Variants in RALYL observed in about 807,000 individuals in gnomAD.
The protein encoded by RALYL is RALY RNA binding protein like, also known as RNA-binding Raly-like protein.
RALYL carries 29 observed loss-of-function variants against 35.1 expected under a neutral mutation model. That is an observed-to-expected ratio of 0.83 (90% CI 0.61 to 1.13). The LOEUF is 1.13. Ranked by LOEUF, RALYL falls within the 50% of genes most tolerant of loss-of-function variation. RALYL has a pLI of 0.00. For synonymous variants in RALYL, 120 were observed against 127.6 expected, an observed-to-expected ratio of 0.94 and a Z score of 0.40; for missense variants, 359 against 360.4, an observed-to-expected ratio of 1.00 and a Z score of 0.03.
chr8:84,710,052 C>A (rs758453188), intron 2 of RALYL, among the ~76,000 whole-genome samples: 1 of 151,988 alleles, frequency 6.6e-6, no homozygotes, highest in Admixed American at 6.6e-5. Context: ...CAGAGCTAGA[C>A]TCCATCTCAA....
intron 1 of RALYL, among the ~76,000 whole-genome samples, chr8:84,487,960 A>G (rs1026546734): frequency 1.3e-5 from 2 of 152,076 alleles, no homozygotes; most frequent in African/African-American, 4.8e-5. Context: ...TCAACAGAGG[A>G]AAGATGTTTA....
At chr8:84,917,601 G>A (rs943585768) in intron 8 of RALYL, among the ~76,000 whole-genome samples, 5 of 150,482 alleles carry the variant, frequency 3.3e-5, no homozygotes, top group Non-Finnish European at 7.4e-5. Flanking sequence ...TAAAATCTCA[G>A]ATGATTCTCC....
At chr8:84,259,863 C>T (rs1238464461) in intron 1 of RALYL, among the ~76,000 whole-genome samples, 2 of 152,108 alleles carry the variant, frequency 1.3e-5, no homozygotes, top group African/African-American at 4.8e-5. Flanking sequence ...CTCATGAATA[C>T]ACACACTGCG....
intron 1 of RALYL, among the ~76,000 whole-genome samples, chr8:84,210,738 A>G (rs1819296252): frequency 6.6e-6 from 1 of 152,048 alleles, no homozygotes; most frequent in East Asian, 1.9e-4. Context: ...TATTTTCACC[A>G]ACTTAATTTT....
At chr8:84,732,668 T>TTATATATATATATATATATGTATA (rs1554553641) in intron 2 of RALYL, among the ~76,000 whole-genome samples, 1 of 132,494 alleles carries the variant, frequency 7.5e-6, no homozygotes, top group African/African-American at 3.2e-5. Flanking sequence ...TATTAAATAA[T>TTATATATATATATATATATGTATA]TATATATATA....
At chr8:84,458,932 A>G (rs757588877) in intron 1 of RALYL, among the ~76,000 whole-genome samples, 95 of 151,848 alleles carry the variant, frequency 6.3e-4, no homozygotes, top group African/African-American at 1.7e-3. Flanking sequence ...TTTTATTTAA[A>G]TGAAATGAGA....
In RALYL at chr8:84,826,112, G is replaced by A. The variant is rs537241755; in HGVS notation, c.365+21310G>A. 9.1e-4 allele frequency among the ~76,000 whole-genome samples: 138 copies of A among 152,078 alleles called. 2 individuals are homozygous for A. In the Middle Eastern group the frequency reaches 0.014, roughly 15 times the overall value. On this transcript the variant is annotated intron_variant, in intron 4 of 8. Coordinates refer to ENST00000521268, the MANE Select transcript of RALYL (RefSeq NM_173848.7). The stretch of plus-strand genomic sequence containing the variant: ...AAGGAGCTAAACATTGGCTACTCAT[G>A]AACATAAAGATGGCAGCAGCAGAAT...
At chr8:84,505,757 T>C (rs2057116300) in intron 1 of RALYL, among the ~76,000 whole-genome samples, 1 of 152,056 alleles carries the variant, frequency 6.6e-6, no homozygotes, top group African/African-American at 2.4e-5. Context: ...TTTTAAATGG[T>C]AAAGTTAGAA....
intron 4 of RALYL, among the ~76,000 whole-genome samples, chr8:84,808,790 T>C (rs1825262763): frequency 6.6e-6 from 1 of 152,072 alleles, no homozygotes; most frequent in Non-Finnish European, 1.5e-5. Context: ...TTGCGTTTTT[T>C]ATTTGATTCT....
chr8:84,235,233 C>A (rs1256821433), intron 1 of RALYL, among the ~76,000 whole-genome samples: 1 of 151,948 alleles, frequency 6.6e-6, no homozygotes, highest in African/African-American at 2.4e-5. Context: ...ATTTTATTTT[C>A]ATTTTAAGAA....
At chr8:84,214,646 G>T (rs1820337071) in intron 1 of RALYL, among the ~76,000 whole-genome samples, 1 of 151,976 alleles carries the variant, frequency 6.6e-6, no homozygotes, top group Non-Finnish European at 1.5e-5. Flanking sequence ...AGTTAGTTGA[G>T]ACATTTTTAC....
intron 1 of RALYL, among the ~76,000 whole-genome samples, chr8:84,461,602 G>C (rs1173200715): frequency 6.6e-6 from 1 of 151,624 alleles, no homozygotes; most frequent in Non-Finnish European, 1.5e-5. Context: ...AAACATGTCT[G>C]TTTTTTCAGT....
intron 2 of RALYL, among the ~76,000 whole-genome samples, chr8:84,714,007 A>C (rs1842591608): frequency 6.6e-6 from 1 of 151,606 alleles, no homozygotes; most frequent in African/African-American, 2.4e-5. Context: ...TATCTCATAT[A>C]GATACAACAC....
chr8:84,753,420 G>A lies in RALYL; in HGVS notation c.257-21159G>A, dbSNP rs113107430. ...TGGGTTAAGACTTTGGGAGACTGTT[G>A]GGAAGGTATGATTATATTTTGCAAT... is the stretch of plus-strand genomic sequence containing the variant. On this transcript the variant is annotated intron_variant, in intron 2 of 8. Transcript: ENST00000521268. Among the ~76,000 whole-genome samples the A allele has an allele frequency of 2.2e-3, 337 of 152,198 alleles. 1 individual carries two copies. The highest frequency in any genetic ancestry group is 7.7e-3 in the African/African-American group (318 of 41,520).
Position 84,828,953 on chromosome 8 carries a change from T to TA in RALYL, c.366-21015dup, listed in dbSNP as rs564121740. The TA allele has an allele frequency of 9.3e-3, 1,317 of 142,190 alleles. 4 individuals carry two copies. Among genetic ancestry groups the TA allele is most frequent in the African/African-American group, 0.021 (815 of 39,006 alleles). The allele number at this position is 142,190 out of a possible 1,614,324, so 8.8% of individuals were successfully genotyped here. Reference sequence around the variant, plus strand: ...GTGGCAGTTCGCTGACCCACTACCTTAAAAAAAAAAAACCCTAGGTTAGTT... The same window carrying TA: ...GTGGCAGTTCGCTGACCCACTACCTTAAAAAAAAAAAAACCCTAGGTTAGTT... On this transcript the variant is annotated intron_variant, in intron 4 of 8. Transcript: ENST00000521268.
intron 1 of RALYL, among the ~76,000 whole-genome samples, chr8:84,415,048 C>T (rs564877839): frequency 6.6e-6 from 1 of 152,110 alleles, no homozygotes; most frequent in African/African-American, 2.4e-5. Flanking sequence ...AATACCTACT[C>T]ATGCATTTAG....
intron 4 of RALYL, among the ~76,000 whole-genome samples, chr8:84,815,569 G>A (rs937630039): frequency 2.0e-5 from 3 of 151,142 alleles, no homozygotes; most frequent in Non-Finnish European, 2.9e-5. Context: ...GTTTTTTAAT[G>A]GAGGGCTTAA....
chr8:84,687,265 T>C (rs535946981), intron 2 of RALYL, among the ~76,000 whole-genome samples: 1 of 152,168 alleles, frequency 6.6e-6, no homozygotes, highest in Non-Finnish European at 1.5e-5. Context: ...GCCTACCATA[T>C]GCATAAAATG....
At chr8:84,391,786 A>G (rs1279102944) in intron 1 of RALYL, among the ~76,000 whole-genome samples, 1 of 152,068 alleles carries the variant, frequency 6.6e-6, no homozygotes, top group African/African-American at 2.4e-5. Flanking sequence ...CTGAGACTTC[A>G]GTAAATATTG....
Sources: allele counts gnomAD v4.1 joint callset (sites outside exome capture counted in the v4.1 genomes callset), GRCh38; gene constraint gnomAD v4.1.1; transcripts MANE v1.5; gene names NCBI Gene and HGNC (gene_info 2026-07-23, HGNC 2026-07-21).